The following NID1 variants were observed in gnomAD, a reference collection of about 807,000 sequenced individuals.
The protein encoded by NID1 is nidogen-1.
A neutral mutation model predicts 130.6 loss-of-function variants in NID1; 76 were observed. The ratio of observed to expected loss-of-function variants is 0.58; its 90% CI spans 0.48 to 0.70. NID1 has a LOEUF of 0.70. Among genes scored for constraint, NID1 ranks in the 30% least tolerant of loss-of-function variants. The probability of loss-of-function intolerance (pLI) is 0.00; values close to 1 mark genes in which losing one functional copy is unlikely to be tolerated. For missense variants in NID1, 1,517 were observed against 1,664.8 expected (o/e 0.91, Z 1.54); for synonymous variants, 665 against 675.1 (o/e 0.98, Z 0.23).
At chr1:236,053,122 A>G (rs1323120550) in intron 1 of NID1, among the ~76,000 whole-genome samples, 1 of 151,996 alleles carries the variant, frequency 6.6e-6, no homozygotes, top group African/African-American at 2.4e-5. Flanking sequence ...TACCATCATG[A>G]CCTCCATTAT....
At chr1:236,003,675 G>A (rs1185301843) in intron 12 of NID1, among the ~76,000 whole-genome samples, 5 of 152,182 alleles carry the variant, frequency 3.3e-5, no homozygotes, top group Non-Finnish European at 1.5e-5. Flanking sequence ...TTCGAGACAA[G>A]CCTGGCAAAT....
At chr1:236,042,437 G>A (rs180850866) in intron 3 of NID1, 145 bp from the exon 4 acceptor site, 63 of 1,062,526 alleles carry the variant, frequency 5.9e-5, no homozygotes, top group South Asian at 1.7e-4. Flanking sequence ...GGCACTGGCC[G>A]TCATGTCTGG....
intron 13 of NID1, among the ~76,000 whole-genome samples, chr1:235,992,348 C>A (rs553623144): frequency 2.0e-5 from 3 of 152,196 alleles, no homozygotes; most frequent in Non-Finnish European, 4.4e-5. Context: ...GTGCAACAGC[C>A]TTCACCTCCC....
At chr1:236,037,859 TC>T (rs1381735038) in intron 5 of NID1, among the ~76,000 whole-genome samples, 1 of 152,094 alleles carries the variant, frequency 6.6e-6, no homozygotes, top group Non-Finnish European at 1.5e-5. Flanking sequence ...CCAGTGACTG[TC>T]CCCTGAGATG....
chr1:236,014,334 A>C (rs1277368853), intron 10 of NID1, among the ~76,000 whole-genome samples: 1 of 152,080 alleles, frequency 6.6e-6, no homozygotes, highest in Non-Finnish European at 1.5e-5. Context: ...GGATAATCCA[A>C]CTACACAAAG....
chr1:235,984,637 G>A (rs1156880771), intron 15 of NID1, among the ~76,000 whole-genome samples: 1 of 152,184 alleles, frequency 6.6e-6, no homozygotes, highest in Non-Finnish European at 1.5e-5. Flanking sequence ...TGCCATAGGA[G>A]CAAAAATATT....
intron 12 of NID1, among the ~76,000 whole-genome samples, chr1:235,994,510 T>A (rs1455502619): frequency 6.6e-6 from 1 of 152,236 alleles, no homozygotes. Flanking sequence ...CAGAATGTTG[T>A]CAAGCTTTAT....
intron 1 of NID1, among the ~76,000 whole-genome samples, chr1:236,063,589 C>T (rs1660106841): frequency 6.6e-6 from 1 of 151,850 alleles, no homozygotes; most frequent in African/African-American, 2.4e-5. Context: ...AACATAATTG[C>T]CTTCCTTGGT....
chr1:236,015,335 G>A (rs150493328), intron 10 of NID1, among the ~76,000 whole-genome samples: 4 of 152,254 alleles, frequency 2.6e-5, no homozygotes, highest in Admixed American at 6.5e-5. Flanking sequence ...CCAATTAAAA[G>A]GGGTGAAGAT....
In NID1 at chr1:236,048,682, G is replaced by C; in HGVS notation, c.525+8C>G. On this transcript the variant is annotated splice_region_variant and intron_variant, in intron 2 of 19. Transcript: ENST00000264187. The stretch of plus-strand genomic sequence containing the variant: ...ATTACCTGCACTTGGACCTGGAGGG[G>C]AGCTTACCTTGCCTTTCTGGTCTGG... 1 of 1,607,018 alleles carries C rather than the reference G, an allele frequency of 6.2e-7. No homozygotes were observed. Among genetic ancestry groups the C allele is most frequent in the Admixed American group, 1.7e-5 (1 of 58,256 alleles).
chr1:236,045,763 A>AGCACTGTACGCTTTATAGAT, intron 2 of NID1, 80 bp from the exon 3 acceptor site: 2 of 1,143,370 alleles, frequency 1.7e-6, no homozygotes, highest in Non-Finnish European at 2.5e-6. Flanking sequence ...GACTATCTAT[A>AGCACTGTACGCTTTATAGAT]AAGCGTACAG....
At position 235,977,959 on chromosome 1, in the gene NID1, C is replaced by T. The variant is rs144862964; in HGVS notation, c.3652G>A (p.Gly1218Ser). The change falls in exon 20 of 20, where the codon GGC (glycine) becomes AGC (serine). Residue 1218 changes from glycine to serine, a missense_variant. Gly to Ser is a moderately conservative substitution (Grantham distance 56, BLOSUM62 0). Transcript: ENST00000264187. ...GTGGCCAAGCATAGGTGGGTGCAGC[C>T]GCCATTGTTCACTGAGCAGTAGTTA... ...GHNYCSVNNG[G>S]CTHLCLATPG... 218 of 1,614,124 alleles carry T rather than the reference C, an allele frequency of 1.4e-4. No homozygotes were observed. Among genetic ancestry groups the T allele is most frequent in the African/African-American group, 8.9e-4 (67 of 75,022 alleles).
intron 1 of NID1, among the ~76,000 whole-genome samples, chr1:236,049,765 C>T (rs893962030): frequency 2.0e-5 from 3 of 152,004 alleles, no homozygotes; most frequent in African/African-American, 7.2e-5. Flanking sequence ...ACTGGCCGGG[C>T]GTGGTGGCTC....
intron 12 of NID1, among the ~76,000 whole-genome samples, chr1:235,996,047 G>A (rs964488192): frequency 3.3e-5 from 5 of 152,176 alleles, no homozygotes; most frequent in African/African-American, 1.2e-4. Context: ...ACAGCTACCT[G>A]GGAGGGTGGG....
intron 19 of NID1, 130 bp downstream of exon 19, chr1:235,978,865 A>G: frequency 3.1e-6 from 2 of 640,598 alleles, no homozygotes; most frequent in Non-Finnish European, 5.7e-6. Flanking sequence ...AAGACCCTGG[A>G]TGCAAAGGAC....
Position 236,029,770 on chromosome 1 carries a change from T to G in NID1, c.1538-20A>C. The G allele has an allele frequency of 1.9e-6, 3 of 1,613,506 alleles. No homozygotes were observed. The highest frequency in any genetic ancestry group is 2.5e-6 in the Non-Finnish European group (3 of 1,179,642). On this transcript the variant is annotated intron_variant, in intron 6 of 19. Transcript: ENST00000264187. ...CACCCCCTGAAAAACAAGATGAGACTGTCACTTTGCTGACTGGGGAGCGCG... is the reference window on the plus strand; with the variant it reads ...CACCCCCTGAAAAACAAGATGAGACGGTCACTTTGCTGACTGGGGAGCGCG...
chr1:236,032,914 AG>A (rs1221687265), intron 5 of NID1, among the ~76,000 whole-genome samples: 1 of 152,210 alleles, frequency 6.6e-6, no homozygotes, highest in Non-Finnish European at 1.5e-5. Flanking sequence ...CTCCACGGAC[AG>A]CCATTGAGGA....
chr1:236,045,693 T>C lies in NID1; in HGVS notation c.526-10A>G. 6.3e-7 allele frequency: 1 copy of C among 1,595,572 alleles called. No homozygotes were observed. The highest frequency in any genetic ancestry group is 1.3e-5 in the African/African-American group (1 of 74,414). On this transcript the variant is annotated splice_polypyrimidine_tract_variant and intron_variant, in intron 2 of 19. Coordinates refer to ENST00000264187, the MANE Select transcript of NID1 (RefSeq NM_002508.3). ...CCTGGAACGTGTTTCTCTGTGAAGATGAGTTAAAATTCAGTTACTCGGAAA... is the reference window on the plus strand; with the variant it reads ...CCTGGAACGTGTTTCTCTGTGAAGACGAGTTAAAATTCAGTTACTCGGAAA...
In NID1 at chr1:236,029,564, T is replaced by C. The variant is rs1197770676; in HGVS notation, c.1724A>G (p.His575Arg). ...VHIEPYTELYHYSTSVITSSS... is the reference protein window; with the variant it reads ...VHIEPYTELYRYSTSVITSSS... ...CTGGGGCTCACCTGAGGTGGAGTAGTGGTACAGCTCCGTGTAGGGCTCAAT... is the reference window on the plus strand; with the variant it reads ...CTGGGGCTCACCTGAGGTGGAGTAGCGGTACAGCTCCGTGTAGGGCTCAAT... Residue 575 changes from histidine to arginine, a missense_variant, in exon 7 of 20, where the codon CAC becomes CGC. This residue lies in a region of NID1 where 1,329 missense variants were observed against 1,429.2 expected (regional missense o/e 0.93). Coordinates refer to ENST00000264187, the MANE Select transcript of NID1 (RefSeq NM_002508.3). 3 of 1,562,478 alleles carry C rather than the reference T, an allele frequency of 1.9e-6. No individual in the cohort carries two copies. Among genetic ancestry groups the C allele is most frequent in the Non-Finnish European group, 1.7e-6 (2 of 1,153,642 alleles).
Sources: allele counts gnomAD v4.1 joint callset (sites outside exome capture counted in the v4.1 genomes callset), GRCh38; gene constraint gnomAD v4.1.1; regional missense constraint gnomAD v4.1.1; transcripts MANE v1.5; gene names NCBI Gene and HGNC (gene_info 2026-07-23, HGNC 2026-07-21).